NEURL1: variants seen among roughly 807,000 people sequenced by gnomAD.
NEURL1 encodes the protein E3 ubiquitin-protein ligase NEURL1.
Under a neutral mutation model 41.2 loss-of-function variants are expected in NEURL1, and 26 were observed. The ratio of observed to expected loss-of-function variants is 0.63; its 90% CI spans 0.46 to 0.87. The LOEUF (loss-of-function observed/expected upper bound fraction) is 0.87, where lower values mean the gene tolerates loss of function less well. NEURL1 is among the 40% of genes least tolerant of loss of function. The pLI is 0.00. For synonymous variants in NEURL1, 400 were observed against 402.3 expected, an observed-to-expected ratio of 0.99 and a Z score of 0.07; for missense variants, 761 against 871.1, an observed-to-expected ratio of 0.87 and a Z score of 1.59.
chr10:103,505,427 G>A (rs1220926159), intron 1 of NEURL1, among the ~76,000 whole-genome samples: 5 of 152,166 alleles, frequency 3.3e-5, no homozygotes, highest in Admixed American at 3.3e-4. Context: ...GTTTTGCCAT[G>A]TTGGCCAGGC....
rs943898457 is a variant in NEURL1, at chr10:103,526,622, C to A, written c.85+32150C>A. ...TGCCTCCTGGTTTCAAGTGATTCTC[C>A]GGCCTCAGCCTCCCAAGGAGCTGGG... On this transcript the variant is annotated intron_variant, in intron 1 of 5. Coordinates refer to ENST00000369780, the MANE Select transcript of NEURL1 (RefSeq NM_004210.5). Among the ~76,000 whole-genome samples, 6 of 152,238 alleles carry A rather than the reference C, an allele frequency of 3.9e-5. 1 individual carries two copies. The South Asian group carries it at 1.0e-3, about 26-fold the overall frequency.
At chr10:103,513,614 A>C (rs2034126782) in intron 1 of NEURL1, among the ~76,000 whole-genome samples, 1 of 152,122 alleles carries the variant, frequency 6.6e-6, no homozygotes, top group Non-Finnish European at 1.5e-5. Context: ...CACAGAGGAG[A>C]AACTGAGGCT....
At chr10:103,588,879 G>A (rs1265831132) in intron 4 of NEURL1, 2 of 447,762 alleles carry the variant, frequency 4.5e-6, no homozygotes, top group Non-Finnish European at 8.9e-6. Context: ...CTGGGATGTG[G>A]AGATTGTAGT....
intron 3 of NEURL1, among the ~76,000 whole-genome samples, chr10:103,580,350 C>T (rs754802317): frequency 8.5e-5 from 13 of 152,326 alleles, no homozygotes; most frequent in African/African-American, 1.9e-4. Flanking sequence ...GCACGTGTCC[C>T]GGCACCGATT....
At chr10:103,510,535 C>T (rs55721721) in intron 1 of NEURL1, among the ~76,000 whole-genome samples, 30 of 152,286 alleles carry the variant, frequency 2.0e-4, no homozygotes, top group African/African-American at 7.2e-4. Context: ...GTTGGGCCAA[C>T]AGCCCCCCTC....
intron 1 of NEURL1, chr10:103,555,245 G>A (rs1181229209): frequency 2.1e-6 from 2 of 933,730 alleles, no homozygotes; most frequent in Non-Finnish European, 2.6e-6. Flanking sequence ...GGCGCGGGAG[G>A]GGCCTCGGCC....
In NEURL1 at chr10:103,589,496, C is replaced by T. The variant is rs1214716028; in HGVS notation, c.1340-18C>T. On this transcript the variant is annotated intron_variant, in intron 4 of 5. Coordinates refer to ENST00000369780, the MANE Select transcript of NEURL1 (RefSeq NM_004210.5). ...GGGCAGGCAGCTAGTGTGTCCTTCC[C>T]TCCCTCCCCTTTCACAGGCTCCACT... is the stretch of plus-strand genomic sequence containing the variant. 3.2e-6 allele frequency: 5 copies of T among 1,579,790 alleles called. No homozygotes were observed. Among genetic ancestry groups the T allele is most frequent in the Non-Finnish European group, 4.3e-6 (5 of 1,161,090 alleles).
At chr10:103,496,086 A>C (rs942058950) in intron 1 of NEURL1, among the ~76,000 whole-genome samples, 6 of 151,336 alleles carry the variant, frequency 4.0e-5, no homozygotes, top group Admixed American at 4.0e-4. Context: ...CTCCAGCCTG[A>C]GCGACAGAGC....
At chr10:103,495,532 A>G (rs750830005) in intron 1 of NEURL1, among the ~76,000 whole-genome samples, 4 of 152,202 alleles carry the variant, frequency 2.6e-5, no homozygotes, top group Non-Finnish European at 5.9e-5. Flanking sequence ...TTTACAGATG[A>G]GGAGAACCAA....
intron 1 of NEURL1, among the ~76,000 whole-genome samples, chr10:103,499,315 C>T (rs1334037015): frequency 3.9e-5 from 6 of 152,158 alleles, no homozygotes; most frequent in Non-Finnish European, 8.8e-5. Context: ...TTCCTCACTA[C>T]TCTCTGGGGA....
chr10:103,553,857 G>C (rs1256182934), intron 1 of NEURL1, among the ~76,000 whole-genome samples: 1 of 152,224 alleles, frequency 6.6e-6, no homozygotes, highest in Non-Finnish European at 1.5e-5. Flanking sequence ...GAGGACAGGG[G>C]CTGGTGTCCA....
chr10:103,585,335 T>A, intron 4 of NEURL1, 110 bp downstream of exon 4: 1 of 1,029,804 alleles, frequency 9.7e-7, no homozygotes, highest in Non-Finnish European at 1.3e-6. Context: ...ATGGTGTTGC[T>A]AAGGAATCAC....
chr10:103,536,579 C>T (rs1436334853), intron 1 of NEURL1, among the ~76,000 whole-genome samples: 2 of 151,756 alleles, frequency 1.3e-5, no homozygotes, highest in Non-Finnish European at 2.9e-5. Context: ...TATCTATATA[C>T]CTATATCATT....
At chr10:103,511,371 AC>A (rs1205875482) in intron 1 of NEURL1, among the ~76,000 whole-genome samples, 1 of 152,106 alleles carries the variant, frequency 6.6e-6, no homozygotes, top group Non-Finnish European at 1.5e-5. Context: ...TGGAAACCCA[AC>A]CCACATGCTG....
intron 3 of NEURL1, among the ~76,000 whole-genome samples, chr10:103,574,325 G>A (rs953130590): frequency 6.6e-6 from 1 of 152,170 alleles, no homozygotes; most frequent in East Asian, 1.9e-4. Context: ...TCCATCTGCC[G>A]AGATGGTTTC....
intron 1 of NEURL1, among the ~76,000 whole-genome samples, chr10:103,547,586 A>AG (rs35301886): frequency 6.6e-6 from 1 of 152,160 alleles, no homozygotes; most frequent in East Asian, 1.9e-4. Context: ...CAGAGGAAGG[A>AG]GGGGGGCCTC....
At position 103,566,052 on chromosome 10, in the gene NEURL1, C is replaced by T. The variant is rs1042090095; in HGVS notation, c.86-4820C>T. Among the ~76,000 whole-genome samples the T allele has an allele frequency of 2.0e-5, 3 of 152,054 alleles. No individual in the cohort carries two copies. Among genetic ancestry groups the T allele is most frequent in the Non-Finnish European group, 4.4e-5 (3 of 68,000 alleles). ...TTTTTACAATGTACAAGTTGTGTAA[C>T]CACTACCCCAGTCTCAAGATATGGA... On this transcript the variant is annotated intron_variant, in intron 1 of 5. Transcript: ENST00000369780. The surrounding 1 kb of genome is among the most constrained non-coding windows in gnomAD (Gnocchi z 4.2).
chr10:103,587,768 G>A lies in NEURL1; in HGVS notation c.1340-1746G>A, dbSNP rs188330701. Among the ~76,000 whole-genome samples, 260 of 152,340 alleles carry A rather than the reference G, an allele frequency of 1.7e-3. 2 individuals are homozygous for A. Among genetic ancestry groups the A allele is most frequent in the Non-Finnish European group, 2.6e-3 (176 of 68,028 alleles). On this transcript the variant is annotated intron_variant, in intron 4 of 5. Transcript: ENST00000369780. Reference sequence around the variant, plus strand: ...TGAAAATTCTGGCCAATGCAACAAGGCAAGAAAAGTAAATAGGAGTTGTGA... The same window carrying A: ...TGAAAATTCTGGCCAATGCAACAAGACAAGAAAAGTAAATAGGAGTTGTGA...
chr10:103,585,733 C>T (rs2035908797), intron 4 of NEURL1, among the ~76,000 whole-genome samples: 1 of 150,700 alleles, frequency 6.6e-6, no homozygotes, highest in Non-Finnish European at 1.5e-5. Flanking sequence ...ACTCGGGAGG[C>T]TGAGGCAGGA....
Sources: allele counts gnomAD v4.1 joint callset (sites outside exome capture counted in the v4.1 genomes callset), GRCh38; gene constraint gnomAD v4.1.1; non-coding constraint Gnocchi (gnomAD v3.1); transcripts MANE v1.5; gene names NCBI Gene and HGNC (gene_info 2026-07-23, HGNC 2026-07-21).